SPATA45: variants seen among roughly 807,000 people sequenced by gnomAD.
SPATA45 encodes the protein spermatogenesis-associated protein 45.
Under a neutral mutation model 7.0 loss-of-function variants are expected in SPATA45, and 5 were observed. The ratio of observed to expected loss-of-function variants is 0.71; its 90% CI spans 0.37 to 1.50. The LOEUF (loss-of-function observed/expected upper bound fraction) is 1.50. Among genes scored for constraint, SPATA45 ranks in the 40% most tolerant of loss-of-function variants. SPATA45 has a pLI of 0.03. For synonymous variants in SPATA45, 40 were observed against 38.7 expected, an observed-to-expected ratio of 1.03 and a Z score of -0.13; for missense variants, 111 against 114.9, an observed-to-expected ratio of 0.97 and a Z score of 0.16.
At chr1:212,835,493 A>G (rs1024387398) in intron 2 of SPATA45, among the ~76,000 whole-genome samples, 1 of 151,550 alleles carries the variant, frequency 6.6e-6, no homozygotes, top group Non-Finnish European at 1.5e-5. Context: ...ATTGCACTCC[A>G]GCCTGGGCAA....
chr1:212,831,487 A>C (rs1164674289), intron 2 of SPATA45, among the ~76,000 whole-genome samples: 3 of 151,150 alleles, frequency 2.0e-5, no homozygotes, highest in African/African-American at 7.3e-5. Flanking sequence ...AAAAAAAAAA[A>C]AAACCTCAAA....
intron 1 of SPATA45, among the ~76,000 whole-genome samples, chr1:212,836,727 C>A (rs1158201094): frequency 1.3e-5 from 2 of 151,352 alleles, no homozygotes; most frequent in Admixed American, 1.3e-4. Context: ...CAGCTCACTG[C>A]AACCTCCGCC....
chr1:212,836,887 G>A (rs114011247), intron 1 of SPATA45, among the ~76,000 whole-genome samples: 9,066 of 147,590 alleles, frequency 0.061, 461 homozygotes, highest in African/African-American at 0.072. Context: ...TCGAACTCCT[G>A]AAGTTGTGAT....
chr1:212,844,339 C>T (rs1047257197), intron 1 of SPATA45, among the ~76,000 whole-genome samples: 19 of 152,146 alleles, frequency 1.2e-4, no homozygotes, highest in African/African-American at 4.6e-4. Context: ...CCCTCAGCTC[C>T]TTCAACTATA....
chr1:212,840,951 T>TC (rs1445767655), intron 1 of SPATA45, among the ~76,000 whole-genome samples: 2 of 149,736 alleles, frequency 1.3e-5, no homozygotes, highest in African/African-American at 5.1e-5. Flanking sequence ...TCTCTCTCTC[T>TC]TCTTTTTTGA....
chr1:212,842,918 C>G (rs1164011455), intron 1 of SPATA45, among the ~76,000 whole-genome samples: 1 of 143,428 alleles, frequency 7.0e-6, no homozygotes, highest in East Asian at 2.0e-4. Context: ...GAAACCCTGT[C>G]TCTACTAAAA....
intron 2 of SPATA45, among the ~76,000 whole-genome samples, chr1:212,830,859 G>T (rs1338656096): frequency 6.6e-6 from 1 of 151,552 alleles, no homozygotes; most frequent in Non-Finnish European, 1.5e-5. Context: ...GGATGCGCCT[G>T]TAGTCCTAGC....
At chr1:212,841,631 CTTTT>C (rs5780702) in intron 1 of SPATA45, among the ~76,000 whole-genome samples, 124 of 125,228 alleles carry the variant, frequency 9.9e-4, no homozygotes, top group African/African-American at 2.7e-3. Context: ...AGGTATCTTT[CTTTT>C]TTTTTTTTTT....
chr1:212,831,307 A>T (rs1374692042), intron 2 of SPATA45, among the ~76,000 whole-genome samples: 1 of 150,950 alleles, frequency 6.6e-6, no homozygotes, highest in South Asian at 2.1e-4. Context: ...AGACTCTATT[A>T]AAAAAATACA....
Position 212,835,988 on chromosome 1 carries a change from G to C in SPATA45, c.162C>G (p.Ala54=), listed in dbSNP as rs151087109. The change falls in exon 2 of 3, where the codon GCC becomes GCG. Residue 54 remains alanine (A), a synonymous_variant. Coordinates refer to ENST00000332912, the MANE Select transcript of SPATA45 (RefSeq NM_001024601.3). ...LRVQKRHFPD[A]YQSFTDTTTK... ...TTGTGGTATCAGTAAAGGACTGATAGGCATCCGGGAAGTGCCTCTTTTGAA... is the reference window on the plus strand; with the variant it reads ...TTGTGGTATCAGTAAAGGACTGATACGCATCCGGGAAGTGCCTCTTTTGAA... 1 of 1,610,916 alleles carries C rather than the reference G, an allele frequency of 6.2e-7. No homozygotes were observed. The highest frequency in any genetic ancestry group is 1.3e-5 in the African/African-American group (1 of 74,860).
chr1:212,830,542 C>G (rs553879752), intron 2 of SPATA45, among the ~76,000 whole-genome samples: 22 of 149,806 alleles, frequency 1.5e-4, no homozygotes, highest in African/African-American at 5.4e-4. Context: ...CGTCGTGGCG[C>G]GCTCCTGTAG....
intron 1 of SPATA45, among the ~76,000 whole-genome samples, chr1:212,840,361 G>A (rs1663658783): frequency 6.6e-6 from 1 of 152,242 alleles, no homozygotes. Flanking sequence ...AGTGAGCGGA[G>A]ATCGTTCCAT....
intron 2 of SPATA45, among the ~76,000 whole-genome samples, chr1:212,831,585 C>G (rs72743925): frequency 0.11 from 16,744 of 151,362 alleles, 1,288 homozygotes; most frequent in Middle Eastern, 0.16. Context: ...AACTGCCCCC[C>G]TTTTGGGCTC....
chr1:212,838,414 G>C (rs1006713099), intron 1 of SPATA45, among the ~76,000 whole-genome samples: 1 of 151,430 alleles, frequency 6.6e-6, no homozygotes, highest in Non-Finnish European at 1.5e-5. Context: ...GAAAAAGACT[G>C]ACCAAACCAT....
chr1:212,840,499 C>T (rs982431076), intron 1 of SPATA45, among the ~76,000 whole-genome samples: 1 of 152,146 alleles, frequency 6.6e-6, no homozygotes, highest in Non-Finnish European at 1.5e-5. Flanking sequence ...GCTCTGTCGT[C>T]CAGGCTGGAG....
rs759145817 is a variant in SPATA45, at chr1:212,835,891, T to C, written c.259A>G (p.Lys87Glu). ...KLSLLAHMERKHFPPKNNAIF... is the reference protein window; with the variant it reads ...KLSLLAHMEREHFPPKNNAIF... The stretch of plus-strand genomic sequence containing the variant: ...TTCTTACTTTTTGGTGGAAAGTGCT[T>C]TCTCTCCATGTGAGCAAGGAGACTC... The change falls in exon 2 of 3, where the codon AAG becomes GAG. Residue 87 changes from lysine (K) to glutamate (E), a missense_variant. Lys to Glu is a moderately conservative substitution (Grantham distance 56). Transcript: ENST00000332912. 3 of 1,593,166 alleles carry C rather than the reference T, an allele frequency of 1.9e-6. No homozygotes were observed. The highest frequency in any genetic ancestry group is 2.6e-6 in the Non-Finnish European group (3 of 1,172,956).
intron 1 of SPATA45, among the ~76,000 whole-genome samples, chr1:212,844,741 A>C (rs950931571): frequency 6.6e-6 from 1 of 152,170 alleles, no homozygotes; most frequent in Non-Finnish European, 1.5e-5. Context: ...CATATCCTGC[A>C]CCACCATGCT....
At chr1:212,831,092 A>T (rs1438742816) in intron 2 of SPATA45, among the ~76,000 whole-genome samples, 1 of 150,990 alleles carries the variant, frequency 6.6e-6, no homozygotes, top group Non-Finnish European at 1.5e-5. Flanking sequence ...GTGAGCCAAG[A>T]TCGAGCCACT....
At chr1:212,846,402 A>G (rs149866123) in intron 1 of SPATA45, among the ~76,000 whole-genome samples, 700 of 152,292 alleles carry the variant, frequency 4.6e-3, no homozygotes, top group Middle Eastern at 0.017. Context: ...TCTGAGCCCA[A>G]GCTAAGCCAT....
Sources: allele counts gnomAD v4.1 joint callset (sites outside exome capture counted in the v4.1 genomes callset), GRCh38; gene constraint gnomAD v4.1.1; transcripts MANE v1.5; gene names NCBI Gene and HGNC (gene_info 2026-07-23, HGNC 2026-07-21).